CTNNAL1: variants seen among roughly 807,000 people sequenced by gnomAD.
CTNNAL1 encodes catenin alpha like 1, also known as alpha-catulin.
A neutral mutation model predicts 93.6 loss-of-function variants in CTNNAL1; 69 were observed. The ratio of observed to expected loss-of-function variants is 0.74; its 90% CI spans 0.61 to 0.90. The LOEUF (loss-of-function observed/expected upper bound fraction) is 0.90, where lower values mean the gene tolerates loss of function less well. CTNNAL1 is among the 40% of genes least tolerant of loss of function. The pLI is 0.00. For synonymous variants in CTNNAL1, 286 were observed against 305.4 expected, an observed-to-expected ratio of 0.94 and a Z score of 0.66; for missense variants, 836 against 862.0, an observed-to-expected ratio of 0.97 and a Z score of 0.38.
At chr9:109,002,993 CA>C (rs34499335) in intron 1 of CTNNAL1, among the ~76,000 whole-genome samples, 8,716 of 145,890 alleles carry the variant, frequency 0.06, 859 homozygotes, top group African/African-American at 0.21. Context: ...AACTCCATCT[CA>C]AAAAAAAAAA....
At chr9:108,950,543 A>G (rs756146077) in intron 14 of CTNNAL1, 88 of 1,550,342 alleles carry the variant, frequency 5.7e-5, no homozygotes, top group Non-Finnish European at 7.4e-5. Flanking sequence ...AGACGTCATC[A>G]AGAGGAAAAT....
Position 108,977,021 on chromosome 9 carries a change from C to T in CTNNAL1, c.1129G>A (p.Glu377Lys), listed in dbSNP as rs761094180. Residue 377 changes from glutamate to lysine, a missense_variant, in exon 8 of 19, where the codon GAA becomes AAA. By Grantham distance (56) the Glu-to-Lys change is moderately conservative. Transcript: ENST00000325551. ...AQSKKTKSIA[E>K]ELELSILKIS... ...TTCAAAATACTGAGTTCCAGTTCTT[C>T]AGCGATGCTTTTTGTTTTCTTGCTT... 9 of 1,536,254 alleles carry T rather than the reference C, an allele frequency of 5.9e-6. No individual in the cohort carries two copies. In the East Asian group the frequency reaches 1.7e-4, roughly 29 times the overall value.
At chr9:109,009,634 A>C (rs1158317341) in intron 1 of CTNNAL1, among the ~76,000 whole-genome samples, 1 of 152,210 alleles carries the variant, frequency 6.6e-6, no homozygotes, top group Non-Finnish European at 1.5e-5. Flanking sequence ...CTGGCAGAGC[A>C]AGTCCATCCA....
chr9:108,993,217 G>A (rs1831881196), intron 2 of CTNNAL1, among the ~76,000 whole-genome samples: 1 of 152,164 alleles, frequency 6.6e-6, no homozygotes, highest in Admixed American at 6.5e-5. Context: ...GCGAGGCCGG[G>A]GAGAAGTCAG....
chr9:108,946,673 G>T (rs1165157001), intron 15 of CTNNAL1, among the ~76,000 whole-genome samples: 1 of 152,130 alleles, frequency 6.6e-6, no homozygotes, highest in Non-Finnish European at 1.5e-5. Context: ...GCTCTATGGG[G>T]GCAGGAGCTT....
intron 8 of CTNNAL1, 31 bp from the exon 9 acceptor site, chr9:108,972,864 G>GGGGGCGGGCCCCCCCCC: frequency 7.0e-6 from 1 of 142,590 alleles, no homozygotes; most frequent in Non-Finnish European, 1.0e-5. Context: ...GGGGGGGTGG[G>GGGGGCGGGCCCCCCCCC]AGGGTGGAGA....
intron 1 of CTNNAL1, among the ~76,000 whole-genome samples, chr9:109,008,478 T>G (rs1162893789): frequency 6.6e-6 from 1 of 152,008 alleles, no homozygotes; most frequent in Admixed American, 6.6e-5. Context: ...TGTGTAGGAG[T>G]TTCTCTAGGG....
chr9:109,010,816 G>A (rs1411514791), intron 1 of CTNNAL1, among the ~76,000 whole-genome samples: 1 of 152,198 alleles, frequency 6.6e-6, no homozygotes, highest in Non-Finnish European at 1.5e-5. Context: ...TATAGTGCCA[G>A]TCCTACTTGT....
intron 4 of CTNNAL1, among the ~76,000 whole-genome samples, chr9:108,989,912 G>C (rs546085411): frequency 6.6e-6 from 1 of 152,086 alleles, no homozygotes; most frequent in Non-Finnish European, 1.5e-5. Context: ...TTAGCTGGGC[G>C]TGGTGGTGCA....
At chr9:108,965,723 G>A (rs1478994133) in intron 10 of CTNNAL1, among the ~76,000 whole-genome samples, 195 bp from the exon 11 acceptor site, 1 of 152,184 alleles carries the variant, frequency 6.6e-6, no homozygotes, top group Non-Finnish European at 1.5e-5. Flanking sequence ...CTTATAATCT[G>A]ACCTGCAGAC....
intron 12 of CTNNAL1, among the ~76,000 whole-genome samples, chr9:108,953,333 G>C (rs999909272): frequency 6.6e-6 from 1 of 152,140 alleles, no homozygotes; most frequent in Non-Finnish European, 1.5e-5. Context: ...GCCCACAGAG[G>C]GGATTCCTCC....
chr9:108,997,860 C>T (rs1034752144), intron 2 of CTNNAL1, among the ~76,000 whole-genome samples: 1 of 152,204 alleles, frequency 6.6e-6, no homozygotes, highest in Non-Finnish European at 1.5e-5. Flanking sequence ...ACCTGGACCA[C>T]TGTGACAACC....
At chr9:108,978,807 A>C (rs1831336239) in intron 7 of CTNNAL1, among the ~76,000 whole-genome samples, 1 of 152,044 alleles carries the variant, frequency 6.6e-6, no homozygotes, top group South Asian at 2.1e-4. Flanking sequence ...TTTTCATTGA[A>C]TCTACACCCC....
At chr9:108,995,351 C>A (rs192415381) in intron 2 of CTNNAL1, among the ~76,000 whole-genome samples, 2 of 152,122 alleles carry the variant, frequency 1.3e-5, no homozygotes, top group Admixed American at 6.6e-5. Context: ...ACAAAGGATA[C>A]GACATATAAG....
At chr9:108,961,418 C>G (rs10979625) in intron 11 of CTNNAL1, among the ~76,000 whole-genome samples, 1 of 152,148 alleles carries the variant, frequency 6.6e-6, no homozygotes, top group Non-Finnish European at 1.5e-5. Context: ...AAAGGCAGTA[C>G]ACACAATCAA....
At chr9:108,966,564 T>C (rs1349276503) in intron 10 of CTNNAL1, among the ~76,000 whole-genome samples, 1 of 152,154 alleles carries the variant, frequency 6.6e-6, no homozygotes, top group African/African-American at 2.4e-5. Context: ...TTTGAGGTCC[T>C]GAGGGCTAGC....
At chr9:108,989,824 C>T (rs560639690) in intron 4 of CTNNAL1, among the ~76,000 whole-genome samples, 41 of 151,856 alleles carry the variant, frequency 2.7e-4, no homozygotes, top group Non-Finnish European at 4.7e-4. Context: ...CTGAGGCGGG[C>T]GGATCACCTG....
At chr9:108,961,317 A>G (rs1830816206) in intron 11 of CTNNAL1, among the ~76,000 whole-genome samples, 1 of 152,220 alleles carries the variant, frequency 6.6e-6, no homozygotes, top group African/African-American at 2.4e-5. Flanking sequence ...GTGGCACTGG[A>G]TTCAGTTCAG....
In CTNNAL1 at chr9:108,965,593, A is replaced by G. The variant is rs552978083; in HGVS notation, c.1441-65T>C. ...CTTAGCCCTCAGAATCACTTTGAAG[A>G]CCAAAGGTAAGTAAGTCTGCTGTTC... On this transcript the variant is annotated intron_variant, in intron 10 of 18. Transcript: ENST00000325551. The G allele has an allele frequency of 2.7e-4, 244 of 910,078 alleles. 1 individual carries two copies. In the East Asian group the frequency reaches 6.6e-3, roughly 25 times the overall value. The allele number at this position is 910,078 out of a possible 1,614,324, so 56.4% of individuals were successfully genotyped here. A position where few individuals can be genotyped will look rare whatever the true frequency, so the allele number is the denominator to read the frequency against.
Sources: allele counts gnomAD v4.1 joint callset (sites outside exome capture counted in the v4.1 genomes callset), GRCh38; gene constraint gnomAD v4.1.1; transcripts MANE v1.5; gene names NCBI Gene and HGNC (gene_info 2026-07-23, HGNC 2026-07-21).